The following ANO1 variants were observed in gnomAD, a reference collection of about 807,000 sequenced individuals.
The protein encoded by ANO1 is anoctamin 1.
ANO1 carries 59 observed loss-of-function variants against 124.0 expected under a neutral mutation model. The observed-to-expected ratio is 0.48, with a 90% CI of 0.39 to 0.59. ANO1 has a LOEUF of 0.59. ANO1 is among the 20% of genes least tolerant of loss of function. The probability of loss-of-function intolerance (pLI) is 0.00; values close to 1 mark genes in which losing one functional copy is unlikely to be tolerated. For synonymous variants in ANO1, 529 were observed against 532.0 expected (o/e 0.99, Z 0.08); for missense variants, 1,059 against 1,328.0 (o/e 0.80, Z 3.15).
At chr11:70,074,667 G>A (rs148859734), upstream of ANO1, among the ~76,000 whole-genome samples, 20 of 152,302 alleles carry the variant, frequency 1.3e-4, no homozygotes, top group East Asian at 3.7e-3. Flanking sequence ...TGCTCAACTG[G>A]GGCTGGTTTT....
At chr11:70,087,491 C>A (rs2044428831) in intron 1 of ANO1, among the ~76,000 whole-genome samples, 1 of 152,168 alleles carries the variant, frequency 6.6e-6, no homozygotes, top group Non-Finnish European at 1.5e-5. Flanking sequence ...TTCTGGGGGA[C>A]CATATGTGGC....
chr11:70,008,645 C>CTT (rs3078418), intron 1 of ANO1, among the ~76,000 whole-genome samples: 70,678 of 147,988 alleles, frequency 0.48, 17,828 homozygotes, highest in East Asian at 0.86. Context: ...TCCTTTAGCT[C>CTT]TTTTTTTTTT....
Position 70,062,063 on chromosome 11 carries a change from C to CTTTT in ANO1, c.59-16476_59-16475insTTTT, listed in dbSNP as rs1857593075. On this transcript the variant is annotated intron_variant, in intron 1 of 27. Transcript: ENST00000531349. ...AGAGGTGATTTTTTTCTCTTTCCTT[C>CTTTT]TTTCTTTTTTTTTTTTTTTTTTTTT... Among the ~76,000 whole-genome samples, 78 of 76,686 alleles carry CTTTT rather than the reference C, an allele frequency of 1.0e-3. 1 individual carries two copies. The highest frequency in any genetic ancestry group is 8.6e-3 in the Middle Eastern group (1 of 116). 50.3% of individuals were successfully genotyped at this position (76,686 alleles called of 152,430 possible). A position where few individuals can be genotyped will look rare whatever the true frequency, so the allele number is the denominator to read the frequency against.
intron 16 of ANO1, among the ~76,000 whole-genome samples, chr11:70,159,872 C>T (rs2047979570): frequency 6.6e-6 from 1 of 152,252 alleles, no homozygotes; most frequent in Admixed American, 6.5e-5. Flanking sequence ...GTCCCCACGC[C>T]TCGCAGCAGG....
intron 1 of ANO1, among the ~76,000 whole-genome samples, chr11:70,069,016 T>C (rs782402364): frequency 3.3e-5 from 5 of 152,338 alleles, no homozygotes; most frequent in Non-Finnish European, 5.9e-5. Flanking sequence ...GCTTCATGCC[T>C]CAGGACCTCC....
intron 22 of ANO1, among the ~76,000 whole-genome samples, chr11:70,178,816 A>T (rs1405247389): frequency 1.3e-5 from 2 of 152,176 alleles, no homozygotes; most frequent in Admixed American, 1.3e-4. Context: ...TGCCCACCTC[A>T]GCCTCCCAAA....
the ANO1 span, among the ~76,000 whole-genome samples, chr11:69,973,853 C>T: frequency 3.3e-5 from 5 of 149,898 alleles, no homozygotes; most frequent in African/African-American, 1.2e-4. Context: ...GCCTGAGTGA[C>T]AGAGCAAGAC....
Position 70,131,623 on chromosome 11 carries a change from C to T in ANO1, c.1098-296C>T, listed in dbSNP as rs549828509. 3.9e-5 allele frequency among the ~76,000 whole-genome samples: 6 copies of T among 152,314 alleles called. No homozygotes were observed. The South Asian group carries it at 8.3e-4, about 21-fold the overall frequency. On this transcript the variant is annotated intron_variant, in intron 10 of 25. Transcript: ENST00000355303. ...GATTACAGGCGTGAGTCACCACGCCCGTCCCATTGTGTGTTTTAAGGCAGC... is the reference window on the plus strand; with the variant it reads ...GATTACAGGCGTGAGTCACCACGCCTGTCCCATTGTGTGTTTTAAGGCAGC...
intron 1 of ANO1, among the ~76,000 whole-genome samples, chr11:69,995,426 T>C (rs1856250780): frequency 6.6e-6 from 1 of 152,158 alleles, no homozygotes; most frequent in South Asian, 2.1e-4. Context: ...AAGCCCATAG[T>C]GTATGCAGAT....
At chr11:70,152,410 A>T (rs2047641645) in intron 12 of ANO1, 40 bp from the exon 13 acceptor site, 1 of 1,600,342 alleles carries the variant, frequency 6.2e-7, no homozygotes, top group Non-Finnish European at 8.5e-7. Flanking sequence ...AAGTAATGAC[A>T]TCTTTGTGTT....
At chr11:70,018,773 G>A (rs1555002295) in intron 1 of ANO1, among the ~76,000 whole-genome samples, 1 of 152,248 alleles carries the variant, frequency 6.6e-6, no homozygotes, top group Admixed American at 6.5e-5. Context: ...GCCTCAGGCT[G>A]AAGCCCATCC....
intron 12 of ANO1, 99 bp from the exon 13 acceptor site, chr11:70,152,351 A>G: frequency 9.7e-7 from 1 of 1,035,928 alleles, no homozygotes; most frequent in African/African-American, 1.6e-5. Flanking sequence ...AAAAAAAAAA[A>G]AAAAAAGTTG....
chr11:70,003,534 C>T (rs1856423211), intron 1 of ANO1, among the ~76,000 whole-genome samples: 1 of 150,282 alleles, frequency 6.7e-6, no homozygotes, highest in South Asian at 2.1e-4. Flanking sequence ...GGGCATATCA[C>T]CCTTTATGTC....
intron 20 of ANO1, among the ~76,000 whole-genome samples, chr11:70,166,490 C>G (rs1318713371): frequency 6.6e-6 from 1 of 152,168 alleles, no homozygotes; most frequent in Non-Finnish European, 1.5e-5. Flanking sequence ...CAGATGGAGG[C>G]TGGGGGACTT....
At chr11:70,109,071 C>A (rs2135393421) in intron 6 of ANO1, among the ~76,000 whole-genome samples, 1 of 152,338 alleles carries the variant, frequency 6.6e-6, no homozygotes, top group South Asian at 2.1e-4. Context: ...CATTTCCAGC[C>A]TTTCCTCCCC....
At chr11:70,012,285 C>G (rs2120354782) in intron 1 of ANO1, among the ~76,000 whole-genome samples, 1 of 144,116 alleles carries the variant, frequency 6.9e-6, no homozygotes, top group South Asian at 2.3e-4. Context: ...CATCCTTTCA[C>G]CCATCCATCC....
chr11:70,000,321 C>CGGGGG (rs11313364), intron 1 of ANO1, among the ~76,000 whole-genome samples: 1 of 151,180 alleles, frequency 6.6e-6, no homozygotes, highest in African/African-American at 2.4e-5. Flanking sequence ...AGAGATGGGC[C>CGGGGG]GGGGGGGGAT....
At chr11:69,989,754 G>A (rs1386258746) in intron 1 of ANO1, among the ~76,000 whole-genome samples, 3 of 152,130 alleles carry the variant, frequency 2.0e-5, no homozygotes, top group Non-Finnish European at 4.4e-5. Flanking sequence ...AATAATCCAG[G>A]TGCACGAGGC....
intron 11 of ANO1, among the ~76,000 whole-genome samples, chr11:70,134,031 T>C (rs1407901092): frequency 3.3e-5 from 5 of 152,146 alleles, no homozygotes; most frequent in East Asian, 3.9e-4. Flanking sequence ...TTTAGATGCT[T>C]TGTGGACGGC....
Sources: allele counts gnomAD v4.1 joint callset (sites outside exome capture counted in the v4.1 genomes callset), GRCh38; gene constraint gnomAD v4.1.1; transcripts MANE v1.5; gene names NCBI Gene and HGNC (gene_info 2026-07-23, HGNC 2026-07-21).